FNDC9: variants seen among roughly 807,000 people sequenced by gnomAD.
The protein encoded by FNDC9 is fibronectin type III domain-containing protein 9.
FNDC9 carries 3 observed loss-of-function variants against 9.0 expected under a neutral mutation model. That is an observed-to-expected ratio of 0.33 (90% CI 0.15 to 0.86). FNDC9 has a LOEUF of 0.86. FNDC9 is among the 40% of genes least tolerant of loss of function. FNDC9 has a pLI of 0.53. For missense variants in FNDC9, 279 were observed against 287.2 expected (o/e 0.97, Z 0.21); for synonymous variants, 114 against 115.6 (o/e 0.99, Z 0.09).
chr5:157,342,763 G>T lies in FNDC9; in HGVS notation c.*99C>A. The T allele has an allele frequency of 8.2e-7, 1 of 1,218,318 alleles. No homozygotes were observed. Among genetic ancestry groups the T allele is most frequent in the Non-Finnish European group, 1.1e-6 (1 of 893,108 alleles). 75.5% of individuals were successfully genotyped at this position (1,218,318 alleles called of 1,614,324 possible). On this transcript the variant is annotated 3_prime_UTR_variant, in exon 2 of 2. Coordinates refer to ENST00000312349, the MANE Select transcript of FNDC9 (RefSeq NM_001001343.4). ...GTGACCTACAATAGCAGTGACGTTT[G>T]ATGGGAGAGAAATGGGTAGTCTATA...
At position 157,342,073 on chromosome 5, in the gene FNDC9, C is replaced by T. The variant is rs1561746109; in HGVS notation, c.*789G>A. On this transcript the variant is annotated 3_prime_UTR_variant, in exon 2 of 2. Transcript: ENST00000312349. ...TTATTACCTCTCCAACACTGGATCTCCCTTTTTATCAAAGACAAGCAAGCA... is the reference window on the plus strand; with the variant it reads ...TTATTACCTCTCCAACACTGGATCTTCCTTTTTATCAAAGACAAGCAAGCA... The T allele has an allele frequency of 6.6e-6, 1 of 152,610 alleles. No individual in the cohort carries two copies. The highest frequency in any genetic ancestry group is 1.5e-5 in the Non-Finnish European group (1 of 68,030). The allele number at this position is 152,610 out of a possible 1,614,324, so 9.5% of individuals were successfully genotyped here.
In FNDC9 at chr5:157,342,712, T is replaced by C. The variant is rs892736897; in HGVS notation, c.*150A>G. On this transcript the variant is annotated 3_prime_UTR_variant, in exon 2 of 2. Transcript: ENST00000312349. ...ATACATTTTCCAGCTTGAGAAGCTT[T>C]GTCATGGGGCATTCATCCAACCCAG... 26 of 737,924 alleles carry C rather than the reference T, an allele frequency of 3.5e-5. No homozygotes were observed. The South Asian group carries it at 5.7e-4, about 16-fold the overall frequency. The allele number at this position is 737,924 out of a possible 1,614,324, so 45.7% of individuals were successfully genotyped here.
Position 157,342,741 on chromosome 5 carries a change from AC to A in FNDC9, c.*120del. The A allele has an allele frequency of 1.0e-6, 1 of 992,566 alleles. No homozygotes were observed. The highest frequency in any genetic ancestry group is 1.4e-6 in the Non-Finnish European group (1 of 696,868). 61.5% of individuals were successfully genotyped at this position (992,566 alleles called of 1,614,324 possible). A position where few individuals can be genotyped will look rare whatever the true frequency, so the allele number is the denominator to read the frequency against. ...ATGGGGCATTCATCCAACCCAGGTG[AC>A]CTACAATAGCAGTGACGTTTGATGG... On this transcript the variant is annotated 3_prime_UTR_variant, in exon 2 of 2. Coordinates refer to ENST00000312349, the MANE Select transcript of FNDC9 (RefSeq NM_001001343.4).
Position 157,343,103 on chromosome 5 carries a change from C to G in FNDC9, c.434G>C (p.Trp145Ser). The G allele has an allele frequency of 6.2e-7, 1 of 1,614,188 alleles. No individual in the cohort carries two copies. The highest frequency in any genetic ancestry group is 8.5e-7 in the Non-Finnish European group (1 of 1,180,018). The change falls in exon 2 of 2, where the codon TGG (tryptophan) becomes TCG (serine). Residue 145 changes from tryptophan (W) to serine (S), a missense_variant. Physicochemically the swap from Trp to Ser is radical, Grantham distance 177 (BLOSUM62 -3). Transcript: ENST00000312349. ...CTCCATGTGGCCAGCCCTGTAAGAC[C>G]ATCGCGGCTCATGGCAACGGACACA... Reference protein sequence around the residue: ...FWCVRCHEPRWSYRAGHMEEA... With the variant: ...FWCVRCHEPRSSYRAGHMEEA...
Position 157,342,293 on chromosome 5 carries a change from G to T in FNDC9, c.*569C>A, listed in dbSNP as rs1188107971. 6.6e-6 allele frequency: 1 copy of T among 152,544 alleles called. No individual in the cohort carries two copies. The highest frequency in any genetic ancestry group is 1.5e-5 in the Non-Finnish European group (1 of 68,030). 9.4% of individuals were successfully genotyped at this position (152,544 alleles called of 1,614,324 possible). On this transcript the variant is annotated 3_prime_UTR_variant, in exon 2 of 2. Transcript: ENST00000312349. ...CGCTTAAAAAATGAGTCAATTTAAA[G>T]GAAAGTATTATTAATAATAGTGAAG...
Position 157,343,136 on chromosome 5 carries a change from T to C in FNDC9, c.401A>G (p.Gln134Arg). The change falls in exon 2 of 2, where the codon CAG (glutamine) becomes CGG (arginine). Residue 134 changes from glutamine (Q) to arginine (R), a missense_variant. Physicochemically the swap from Gln to Arg is conservative, Grantham distance 43. Transcript: ENST00000312349. ...FTAVLAFICL[Q>R]FWCVRCHEPR... ...CTCATGGCAACGGACACACCAGAACTGGAGGCAGATGAAGGCCAAGACGGC... is the reference window on the plus strand; with the variant it reads ...CTCATGGCAACGGACACACCAGAACCGGAGGCAGATGAAGGCCAAGACGGC... The C allele has an allele frequency of 6.2e-7, 1 of 1,614,062 alleles. No individual in the cohort carries two copies. The highest frequency in any genetic ancestry group is 1.1e-5 in the South Asian group (1 of 91,064).
In FNDC9 at chr5:157,342,905, C is replaced by A. The variant is rs762802394; in HGVS notation, c.632G>T (p.Gly211Val). 3.7e-6 allele frequency: 6 copies of A among 1,613,962 alleles called. No homozygotes were observed. Among genetic ancestry groups the A allele is most frequent in the South Asian group, 3.3e-5 (3 of 91,064 alleles). ...CAGTATAGCGGGTGGGTCACCACCCCCCCTCTGTAAGGCACCCGCATCAGG... is the reference window on the plus strand; with the variant it reads ...CAGTATAGCGGGTGGGTCACCACCCACCCTCTGTAAGGCACCCGCATCAGG... ...DAPDAGALQR[G>V]GGDPPAILPH... The change falls in exon 2 of 2, where the codon GGG (glycine) becomes GTG (valine). Residue 211 changes from glycine to valine, a missense_variant. By Grantham distance (109) the Gly-to-Val change is moderately radical. Transcript: ENST00000312349.
intron 1 of FNDC9, among the ~76,000 whole-genome samples, chr5:157,344,048 C>G (rs900585896): frequency 6.6e-6 from 1 of 152,108 alleles, no homozygotes; most frequent in Non-Finnish European, 1.5e-5. Context: ...CTTTTTTTAG[C>G]CTCCTGGTTC....
Position 157,342,781 on chromosome 5 carries a change from A to G in FNDC9, c.*81T>C. ...GACGTTTGATGGGAGAGAAATGGGTAGTCTATAGACACATTTGTACAAACG... is the reference window on the plus strand; with the variant it reads ...GACGTTTGATGGGAGAGAAATGGGTGGTCTATAGACACATTTGTACAAACG... On this transcript the variant is annotated 3_prime_UTR_variant, in exon 2 of 2. Transcript: ENST00000312349. 7.6e-7 allele frequency: 1 copy of G among 1,313,204 alleles called. No individual in the cohort carries two copies. Among genetic ancestry groups the G allele is most frequent in the Non-Finnish European group, 1.0e-6 (1 of 966,688 alleles). The allele number at this position is 1,313,204 out of a possible 1,614,324, so 81.3% of individuals were successfully genotyped here. A position where few individuals can be genotyped will look rare whatever the true frequency, so the allele number is the denominator to read the frequency against.
Position 157,343,301 on chromosome 5 carries a change from T to A in FNDC9, c.236A>T (p.Lys79Met). The part of the protein sequence containing the change: ...STLYFLCISC[K>M]KAAFPYRHYC... ...GTGCCTGTAAGGGAAGGCAGCCTTC[T>A]TACAGCTGATGCACAGGAAGTAGAG... is the stretch of plus-strand genomic sequence containing the variant. Residue 79 changes from lysine (K) to methionine (M), a missense_variant, in exon 2 of 2, where the codon AAG (lysine) becomes ATG (methionine). Lys to Met is a moderately conservative substitution (Grantham distance 95). Coordinates refer to ENST00000312349, the MANE Select transcript of FNDC9 (RefSeq NM_001001343.4). 3 of 1,614,170 alleles carry A rather than the reference T, an allele frequency of 1.9e-6. No individual in the cohort carries two copies. The highest frequency in any genetic ancestry group is 2.5e-6 in the Non-Finnish European group (3 of 1,180,022).
rs373653936 is a variant in FNDC9 at position 157,343,477 on chromosome 5, C to T, written c.60G>A (p.Ser20=). 6.2e-6 allele frequency: 10 copies of T among 1,605,832 alleles called. No homozygotes were observed. Among genetic ancestry groups the T allele is most frequent in the East Asian group, 2.2e-5 (1 of 44,680 alleles). ...YTGAIISWSS[S]EPCLEDYYHI... ...GGTAATAGTCCTCCAGGCAGGGCTC[C>T]GAGGACGACCAGGAGATGATGGCTC... The change falls in exon 2 of 2, where the codon TCG becomes TCA. Residue 20 remains serine, a synonymous_variant. Coordinates refer to ENST00000312349, the MANE Select transcript of FNDC9 (RefSeq NM_001001343.4).
rs1282317305 is a variant in FNDC9, at chr5:157,344,114, C to A, written c.-7-571G>T. Among the ~76,000 whole-genome samples the A allele has an allele frequency of 2.0e-5, 3 of 152,118 alleles. No homozygotes were observed. In the East Asian group the frequency reaches 5.8e-4, roughly 29 times the overall value. On this transcript the variant is annotated intron_variant, in intron 1 of 1. Coordinates refer to ENST00000312349, the MANE Select transcript of FNDC9 (RefSeq NM_001001343.4). The stretch of plus-strand genomic sequence containing the variant: ...GTCACTCTTTGGCAGCTGATCTCAC[C>A]CCAAAGCTTCTGCTCTTGTTTTGTT...
In FNDC9 at chr5:157,342,894, G is replaced by T; in HGVS notation, c.643C>A (p.Pro215Thr). The change falls in exon 2 of 2, where the codon CCA becomes ACA. Residue 215 changes from proline (P) to threonine (T), a missense_variant. By Grantham distance (38) the Pro-to-Thr change is conservative. Coordinates refer to ENST00000312349, the MANE Select transcript of FNDC9 (RefSeq NM_001001343.4). ...AGALQRGGGD[P>T]PAILPHCGE ...CCACAATGAGGCAGTATAGCGGGTG[G>T]GTCACCACCCCCCCTCTGTAAGGCA... is the stretch of plus-strand genomic sequence containing the variant. 1 of 1,613,748 alleles carries T rather than the reference G, an allele frequency of 6.2e-7. No homozygotes were observed. The highest frequency in any genetic ancestry group is 1.1e-5 in the South Asian group (1 of 91,006).
rs574557520 is a variant in FNDC9, at chr5:157,343,032, C to G, written c.505G>C (p.Gly169Arg). 10 of 1,614,214 alleles carry G rather than the reference C, an allele frequency of 6.2e-6. No homozygotes were observed. The Admixed American group carries it at 1.5e-4, about 24-fold the overall frequency. The change falls in exon 2 of 2, where the codon GGT becomes CGT. Residue 169 changes from glycine (G) to arginine (R), a missense_variant. Transcript: ENST00000312349. The part of the protein sequence containing the change: ...VRWPEEAPDL[G>R]QREEDLQGLP... ...CCCTGCAGGTCTTCCTCCCTCTGACCAAGATCCGGGGCCTCCTCTGGCCAT... is the reference window on the plus strand; with the variant it reads ...CCCTGCAGGTCTTCCTCCCTCTGACGAAGATCCGGGGCCTCCTCTGGCCAT...
At position 157,343,219 on chromosome 5, in the gene FNDC9, C is replaced by G; in HGVS notation, c.318G>C (p.Leu106=). ...DKSPLAPGSS[L]VDPQISLWVL... ...CCCAAAGGGAGATCTGGGGGTCTAC[C>G]AGGGAGCTTCCAGGAGCCAGCGGAC... The change falls in exon 2 of 2, where the codon CTG becomes CTC. Residue 106 remains leucine (L), a synonymous_variant. Transcript: ENST00000312349. 6.2e-7 allele frequency: 1 copy of G among 1,614,184 alleles called. No individual in the cohort carries two copies. Among genetic ancestry groups the G allele is most frequent in the Non-Finnish European group, 8.5e-7 (1 of 1,180,020 alleles).
chr5:157,344,387 A>G (rs1762527270), intron 1 of FNDC9, among the ~76,000 whole-genome samples: 1 of 152,174 alleles, frequency 6.6e-6, no homozygotes, highest in South Asian at 2.1e-4. Flanking sequence ...CGGATGAGCA[A>G]CCTGATGTCA....
Position 157,342,582 on chromosome 5 carries a change from C to A in FNDC9, c.*280G>T. The A allele has an allele frequency of 2.9e-6, 1 of 348,818 alleles. No individual in the cohort carries two copies. Among genetic ancestry groups the A allele is most frequent in the Non-Finnish European group, 5.2e-6 (1 of 191,532 alleles). The allele number at this position is 348,818 out of a possible 1,614,324, so 21.6% of individuals were successfully genotyped here. On this transcript the variant is annotated 3_prime_UTR_variant, in exon 2 of 2. Coordinates refer to ENST00000312349, the MANE Select transcript of FNDC9 (RefSeq NM_001001343.4). ...TTTGCTTTCTACTTTATAACATATC[C>A]ATGTTTGTTTTAATGTTAAAACAAT...
At position 157,342,624 on chromosome 5, in the gene FNDC9, T is replaced by C. The variant is rs1453890063; in HGVS notation, c.*238A>G. 7 of 457,572 alleles carry C rather than the reference T, an allele frequency of 1.5e-5. No individual in the cohort carries two copies. The highest frequency in any genetic ancestry group is 3.1e-5 in the East Asian group (1 of 31,982). The allele number at this position is 457,572 out of a possible 1,614,324, so 28.3% of individuals were successfully genotyped here. ...TAAAACAATGCTTTCAATTCTTAAC[T>C]GTGTCCTCCGAGTGGACGCTGCTGC... On this transcript the variant is annotated 3_prime_UTR_variant, in exon 2 of 2. Coordinates refer to ENST00000312349, the MANE Select transcript of FNDC9 (RefSeq NM_001001343.4).
chr5:157,343,346 T>C lies in FNDC9; in HGVS notation c.191A>G (p.Glu64Gly), dbSNP rs781037964. ...VPRTISSVVL[E>G]HLAPSTLYFL... ...GTAGAGAGTGGAAGGGGCAAGATGT[T>C]CCAGCACCACGGAGCTGATCGTTCG... The change falls in exon 2 of 2, where the codon GAA becomes GGA. Residue 64 changes from glutamate (E) to glycine (G), a missense_variant. Physicochemically the swap from Glu to Gly is moderately conservative, Grantham distance 98. Transcript: ENST00000312349. 39 of 1,614,158 alleles carry C rather than the reference T, an allele frequency of 2.4e-5. No homozygotes were observed. The highest frequency in any genetic ancestry group is 3.3e-5 in the Non-Finnish European group (39 of 1,180,024).
Sources: allele counts gnomAD v4.1 joint callset (sites outside exome capture counted in the v4.1 genomes callset), GRCh38; gene constraint gnomAD v4.1.1; transcripts MANE v1.5; gene names NCBI Gene and HGNC (gene_info 2026-07-23, HGNC 2026-07-21).